The following TWSG1 variants were observed in gnomAD, a reference collection of about 807,000 sequenced individuals.
TWSG1 encodes twisted gastrulation BMP signaling modulator 1.
Under a neutral mutation model 23.0 loss-of-function variants are expected in TWSG1, and 15 were observed. The ratio of observed to expected loss-of-function variants is 0.65; its 90% CI spans 0.44 to 1.00. TWSG1 has a LOEUF of 1.00. Among genes scored for constraint, TWSG1 ranks in the 50% least tolerant of loss-of-function variants. TWSG1 has a pLI of 0.00. For missense variants in TWSG1, 242 were observed against 278.7 expected (o/e 0.87, Z 0.94); for synonymous variants, 86 against 92.8 (o/e 0.93, Z 0.42).
At chr18:9,374,974 T>C (rs1445571106) in intron 3 of TWSG1, among the ~76,000 whole-genome samples, 1 of 152,112 alleles carries the variant, frequency 6.6e-6, no homozygotes, top group African/African-American at 2.4e-5. Flanking sequence ...GAGAACATCC[T>C]GGCTAACACA....
At chr18:9,380,300 G>C (rs182064598) in intron 3 of TWSG1, among the ~76,000 whole-genome samples, 12 of 152,278 alleles carry the variant, frequency 7.9e-5, no homozygotes, top group African/African-American at 2.2e-4. Context: ...ACTGTGGCCA[G>C]AACTCAGTGA....
chr18:9,362,963 C>T (rs781426828), intron 3 of TWSG1, among the ~76,000 whole-genome samples: 10 of 152,162 alleles, frequency 6.6e-5, no homozygotes, highest in South Asian at 2.1e-4. Context: ...ATTTATACAG[C>T]AATCCTCCTC....
At chr18:9,336,731 C>T (rs1225698080) in intron 1 of TWSG1, among the ~76,000 whole-genome samples, 1 of 152,150 alleles carries the variant, frequency 6.6e-6, no homozygotes, top group Non-Finnish European at 1.5e-5. Flanking sequence ...GATATACTCT[C>T]AAGTTACTGA....
At chr18:9,356,971 TA>T (rs34315660) in intron 2 of TWSG1, among the ~76,000 whole-genome samples, 6,615 of 122,290 alleles carry the variant, frequency 0.054, 293 homozygotes, top group African/African-American at 0.15. Flanking sequence ...TTTATAAATC[TA>T]AAAAAAAAAA....
Position 9,359,986 on chromosome 18 carries a change from C to T in TWSG1, c.138C>T (p.Cys46=). Residue 46 remains cysteine, a synonymous_variant, in exon 3 of 5, where the codon TGC becomes TGT. Transcript: ENST00000262120. ...CTTGTTTCTAGGAGCTCTGCCAGTGCCGGCCGGGAGAAGGCAATTGCTCCT... is the reference window on the plus strand; with the variant it reads ...CTTGTTTCTAGGAGCTCTGCCAGTGTCGGCCGGGAGAAGGCAATTGCTCCT... ...SKCLIQELCQ[C]RPGEGNCSCC... is the part of the protein sequence containing the mutation. The T allele has an allele frequency of 6.2e-7, 1 of 1,612,936 alleles. No homozygotes were observed. Among genetic ancestry groups the T allele is most frequent in the South Asian group, 1.1e-5 (1 of 91,000 alleles).
chr18:9,339,079 C>T (rs918541000), intron 2 of TWSG1, among the ~76,000 whole-genome samples: 1 of 151,946 alleles, frequency 6.6e-6, no homozygotes, highest in Non-Finnish European at 1.5e-5. Context: ...ATCATGTACA[C>T]CTGTAGTCTC....
chr18:9,365,592 G>A (rs8088103), intron 3 of TWSG1, among the ~76,000 whole-genome samples: 19,693 of 151,568 alleles, frequency 0.13, 1,481 homozygotes, highest in Middle Eastern at 0.28. Context: ...CAGGAGAATC[G>A]CTTGAGCCCA....
intron 3 of TWSG1, 148 bp from the exon 4 acceptor site, chr18:9,396,132 T>C: frequency 1.4e-6 from 1 of 694,406 alleles, no homozygotes; most frequent in Non-Finnish European, 2.3e-6. Context: ...AATATCATCA[T>C]TTAGGCTCAC....
At chr18:9,358,171 G>C (rs1000511922) in intron 2 of TWSG1, among the ~76,000 whole-genome samples, 2 of 152,070 alleles carry the variant, frequency 1.3e-5, no homozygotes, top group Non-Finnish European at 2.9e-5. Flanking sequence ...AATCAGAATG[G>C]CGTCTTCCCT....
chr18:9,350,595 T>C (rs2040498031), intron 2 of TWSG1, among the ~76,000 whole-genome samples: 1 of 152,236 alleles, frequency 6.6e-6, no homozygotes, highest in Non-Finnish European at 1.5e-5. Context: ...TAAATGTTTG[T>C]TACTAGGTTT....
At position 9,354,986 on chromosome 18, in the gene TWSG1, C is replaced by T. The variant is rs1025428187; in HGVS notation, c.124-4986C>T. Among the ~76,000 whole-genome samples the T allele has an allele frequency of 5.3e-5, 8 of 151,598 alleles. No homozygotes were observed. In the East Asian group the frequency reaches 5.8e-4, roughly 11 times the overall value. On this transcript the variant is annotated intron_variant, in intron 2 of 4. Coordinates refer to ENST00000262120, the MANE Select transcript of TWSG1 (RefSeq NM_020648.6). ...TCTTTTTTTTTTTGAGACAGAGTCT[C>T]GCTCTGTTGTCCAGGCTGGAGTGCA...
chr18:9,342,151 A>T (rs1183547640), intron 2 of TWSG1, among the ~76,000 whole-genome samples: 1 of 152,190 alleles, frequency 6.6e-6, no homozygotes, highest in Admixed American at 6.5e-5. Flanking sequence ...ATAATGGTTA[A>T]GCGTATGAAC....
chr18:9,385,988 G>A (rs1272770238), intron 3 of TWSG1, among the ~76,000 whole-genome samples: 2 of 151,834 alleles, frequency 1.3e-5, no homozygotes, highest in Non-Finnish European at 2.9e-5. Flanking sequence ...GGCCAATATG[G>A]CGAAACCCCA....
chr18:9,361,594 G>C (rs1175622872), intron 3 of TWSG1, among the ~76,000 whole-genome samples: 1 of 152,208 alleles, frequency 6.6e-6, no homozygotes, highest in African/African-American at 2.4e-5. Context: ...TCTAGAGAAA[G>C]ATCTCCTGGT....
At chr18:9,350,117 G>T (rs1003051901) in intron 2 of TWSG1, among the ~76,000 whole-genome samples, 3 of 151,864 alleles carry the variant, frequency 2.0e-5, no homozygotes, top group Non-Finnish European at 4.4e-5. Flanking sequence ...TCCAGCCTGG[G>T]CAACAGAGCG....
chr18:9,365,157 C>A (rs2040571956), intron 3 of TWSG1, among the ~76,000 whole-genome samples: 1 of 151,176 alleles, frequency 6.6e-6, no homozygotes, highest in Admixed American at 6.6e-5. Context: ...CCCATCTTTA[C>A]CAAAAATAAA....
intron 2 of TWSG1, among the ~76,000 whole-genome samples, chr18:9,343,338 A>G (rs2040456297): frequency 6.7e-6 from 1 of 149,638 alleles, no homozygotes; most frequent in Non-Finnish European, 1.5e-5. Context: ...AATTATGTAT[A>G]GTGTCCTCTT....
chr18:9,377,321 C>T (rs968466636), intron 3 of TWSG1, among the ~76,000 whole-genome samples: 90 of 151,920 alleles, frequency 5.9e-4, no homozygotes, highest in African/African-American at 1.7e-3. Context: ...CGGGTTCAAG[C>T]GATTCTCCTG....
intron 3 of TWSG1, among the ~76,000 whole-genome samples, chr18:9,389,588 A>C (rs2040701857): frequency 6.6e-6 from 1 of 152,210 alleles, no homozygotes; most frequent in Non-Finnish European, 1.5e-5. Context: ...AGCTGTATTG[A>C]AAAATGTGAT....
Sources: gnomAD v4.1 joint callset for allele counts (sites outside exome capture counted in the v4.1 genomes callset) on GRCh38, gnomAD v4.1.1 for gene constraint, MANE v1.5 for transcripts, NCBI Gene and HGNC (gene_info 2026-07-23, HGNC 2026-07-21) for gene names.